Variants in NKAIN2 observed in about 807,000 individuals in gnomAD.
NKAIN2 encodes sodium/potassium-transporting ATPase subunit beta-1-interacting protein 2.
A neutral mutation model predicts 32.6 loss-of-function variants in NKAIN2; 14 were observed. The observed-to-expected ratio is 0.43, with a 90% CI of 0.28 to 0.67. NKAIN2 has a LOEUF of 0.67. NKAIN2 is among the 30% of genes least tolerant of loss of function. NKAIN2 has a pLI of 0.17. For missense variants in NKAIN2, 198 were observed against 258.3 expected, an observed-to-expected ratio of 0.77 and a Z score of 1.60; for synonymous variants, 80 against 87.2, an observed-to-expected ratio of 0.92 and a Z score of 0.46.
At chr6:124,402,120 G>T (rs1407850179) in intron 3 of NKAIN2, among the ~76,000 whole-genome samples, 3 of 152,040 alleles carry the variant, frequency 2.0e-5, no homozygotes, top group Non-Finnish European at 2.9e-5. Context: ...GTAGAGACCA[G>T]GGATTCTGCT....
At chr6:123,872,972 G>T (rs1168130911) in intron 1 of NKAIN2, among the ~76,000 whole-genome samples, 8 of 152,146 alleles carry the variant, frequency 5.3e-5, no homozygotes, top group Non-Finnish European at 1.0e-4. Flanking sequence ...TTCAAAAAGT[G>T]TTTGTTGAGG....
intron 3 of NKAIN2, among the ~76,000 whole-genome samples, chr6:124,541,128 T>TACAC (rs111347945): frequency 6.6e-6 from 1 of 152,006 alleles, no homozygotes; most frequent in African/African-American, 2.4e-5. Context: ...TACACACATA[T>TACAC]ACACACACAC....
At chr6:124,432,366 C>G (rs559949229) in intron 3 of NKAIN2, among the ~76,000 whole-genome samples, 1 of 152,158 alleles carries the variant, frequency 6.6e-6, no homozygotes, top group African/African-American at 2.4e-5. Flanking sequence ...CAGTTGTGTG[C>G]TTTTATAGAT....
intron 1 of NKAIN2, among the ~76,000 whole-genome samples, chr6:123,972,742 T>G (rs1382620282): frequency 1.3e-5 from 2 of 152,124 alleles, no homozygotes; most frequent in Non-Finnish European, 2.9e-5. Flanking sequence ...ATATTGACCA[T>G]GCCATTTAGT....
At chr6:124,460,903 T>TC (rs1164913764) in intron 3 of NKAIN2, among the ~76,000 whole-genome samples, 11 of 151,792 alleles carry the variant, frequency 7.2e-5, no homozygotes, top group East Asian at 1.9e-4. Context: ...CACACTTATT[T>TC]CCCCCCCTTT....
intron 4 of NKAIN2, among the ~76,000 whole-genome samples, chr6:124,663,430 CA>C (rs200660155): frequency 0.064 from 8,942 of 139,516 alleles, 337 homozygotes; most frequent in African/African-American, 0.12. Flanking sequence ...GACTCCATCT[CA>C]AAAAAAAAAA....
chr6:124,811,682 A>G (rs1462989918), intron 5 of NKAIN2, among the ~76,000 whole-genome samples: 1 of 152,198 alleles, frequency 6.6e-6, no homozygotes, highest in Admixed American at 6.5e-5. Flanking sequence ...TGCAGATAAG[A>G]AAATGAAGGC....
chr6:123,974,025 G>T (rs1404505178), intron 1 of NKAIN2, among the ~76,000 whole-genome samples: 2 of 152,056 alleles, frequency 1.3e-5, no homozygotes, highest in African/African-American at 4.8e-5. Flanking sequence ...TAAGAAGAAA[G>T]AAAAGTGAAA....
intron 3 of NKAIN2, among the ~76,000 whole-genome samples, chr6:124,384,702 C>T (rs1207213771): frequency 2.1e-5 from 3 of 145,314 alleles, no homozygotes; most frequent in Non-Finnish European, 3.1e-5. Flanking sequence ...CTCACTGCAG[C>T]CTCAGCCTCA....
intron 1 of NKAIN2, among the ~76,000 whole-genome samples, chr6:123,916,077 C>T (rs370889943): frequency 4.6e-5 from 7 of 152,056 alleles, no homozygotes; most frequent in Admixed American, 4.6e-4. Flanking sequence ...GATCTCTGAA[C>T]ACTTCTAGAA....
intron 1 of NKAIN2, among the ~76,000 whole-genome samples, chr6:123,926,177 G>C (rs2114506256): frequency 6.6e-6 from 1 of 152,298 alleles, no homozygotes; most frequent in Non-Finnish European, 1.5e-5. Context: ...GAATTTGGGA[G>C]GAGGGGGTCA....
At chr6:124,711,534 C>G (rs1372872504) in intron 4 of NKAIN2, among the ~76,000 whole-genome samples, 1 of 150,784 alleles carries the variant, frequency 6.6e-6, no homozygotes, top group East Asian at 1.9e-4. Context: ...ATTCTTTTTT[C>G]TCTAAACTTC....
intron 1 of NKAIN2, among the ~76,000 whole-genome samples, chr6:123,831,289 A>G (rs969138142): frequency 6.6e-6 from 1 of 151,702 alleles, no homozygotes; most frequent in Admixed American, 6.6e-5. Flanking sequence ...TATAATGTAT[A>G]TATATATGCA....
chr6:124,067,529 A>G (rs1783246748), intron 1 of NKAIN2, among the ~76,000 whole-genome samples: 2 of 152,310 alleles, frequency 1.3e-5, no homozygotes, highest in South Asian at 4.1e-4. Context: ...CCACATTACA[A>G]TAAGAATCTC....
At chr6:123,857,018 CAT>C (rs1775580567) in intron 1 of NKAIN2, among the ~76,000 whole-genome samples, 1 of 152,076 alleles carries the variant, frequency 6.6e-6, no homozygotes, top group South Asian at 2.1e-4. Flanking sequence ...CTTTTTTTCT[CAT>C]GTTTTTATTC....
intron 1 of NKAIN2, among the ~76,000 whole-genome samples, chr6:123,816,296 A>G (rs1156443358): frequency 1.1e-4 from 16 of 152,038 alleles, no homozygotes; most frequent in Non-Finnish European, 1.5e-5. Context: ...ACCTTATAGA[A>G]TAGGATATAG....
intron 3 of NKAIN2, among the ~76,000 whole-genome samples, chr6:124,604,689 CA>C (rs1782433073): frequency 6.6e-6 from 1 of 151,862 alleles, no homozygotes; most frequent in Non-Finnish European, 1.5e-5. Flanking sequence ...TCCGTTCCCT[CA>C]ATTAAAAGGT....
chr6:124,171,871 G>C (rs796314868), intron 1 of NKAIN2, among the ~76,000 whole-genome samples: 128 of 147,690 alleles, frequency 8.7e-4, no homozygotes, highest in African/African-American at 3.2e-3. Context: ...TTTTGAGAGA[G>C]AGTCTCGCTC....
intron 1 of NKAIN2, among the ~76,000 whole-genome samples, chr6:123,878,683 G>C (rs7753879): frequency 0.67 from 102,572 of 152,034 alleles, 36,254 homozygotes; most frequent in African/African-American, 0.89. Context: ...AACTTCAAGT[G>C]CTGTAACATG....
Sources: gnomAD v4.1 joint callset for allele counts (sites outside exome capture counted in the v4.1 genomes callset) on GRCh38, gnomAD v4.1.1 for gene constraint, MANE v1.5 for transcripts, NCBI Gene and HGNC (gene_info 2026-07-23, HGNC 2026-07-21) for gene names.